Variants in SRD5A2 observed in about 807,000 individuals in gnomAD.
The protein encoded by SRD5A2 is 3-oxo-5-alpha-steroid 4-dehydrogenase 2.
A neutral mutation model predicts 27.4 loss-of-function variants in SRD5A2; 30 were observed. The observed-to-expected ratio is 1.10, with a 90% confidence interval of 0.82 to 1.49. SRD5A2 has a LOEUF of 1.49. Among genes scored for constraint, SRD5A2 ranks in the 40% most tolerant of loss-of-function variants. The pLI is 0.00. For missense variants in SRD5A2, 348 were observed against 323.4 expected, an observed-to-expected ratio of 1.08 and a Z score of -0.58; for synonymous variants, 141 against 133.6, an observed-to-expected ratio of 1.06 and a Z score of -0.38.
upstream of SRD5A2, chr2:31,581,215 C>CG (rs201675254): frequency 1 from 380,695 of 380,704 alleles, 190,343 homozygotes; most frequent in Middle Eastern, 1. Context: ...GCGTCTGATG[C>CG]GCATACTTCT....
At chr2:31,654,512 G>A in the SRD5A2 span, among the ~76,000 whole-genome samples, 1 of 152,178 alleles carries the variant, frequency 6.6e-6, no homozygotes, top group South Asian at 2.1e-4. Context: ...TTTGCTGCAT[G>A]AATTTTACGG....
chr2:31,624,645 A>G, the SRD5A2 span, among the ~76,000 whole-genome samples: 11 of 152,026 alleles, frequency 7.2e-5, no homozygotes, highest in African/African-American at 1.2e-4. Flanking sequence ...GCTGAGAATG[A>G]TGGTTTCCAG....
intron 1 of SRD5A2, among the ~76,000 whole-genome samples, chr2:31,542,705 G>C (rs1028071410): frequency 6.6e-6 from 1 of 152,050 alleles, no homozygotes; most frequent in Non-Finnish European, 1.5e-5. Flanking sequence ...GAAAGAATCA[G>C]AGAACTCAAA....
chr2:31,553,069 A>C (rs12712320), intron 1 of SRD5A2, among the ~76,000 whole-genome samples: 25,216 of 152,114 alleles, frequency 0.17, 2,731 homozygotes, highest in African/African-American at 0.31. Context: ...TCTCAGTAAA[A>C]AGATAGGAAC....
At chr2:31,567,119 G>C (rs1244400466) in intron 1 of SRD5A2, among the ~76,000 whole-genome samples, 1 of 152,126 alleles carries the variant, frequency 6.6e-6, no homozygotes, top group Non-Finnish European at 1.5e-5. Flanking sequence ...CAATTGTAGA[G>C]CATTTAGGTA....
intron 1 of SRD5A2, among the ~76,000 whole-genome samples, chr2:31,556,561 G>A (rs368334338): frequency 4.6e-5 from 7 of 152,260 alleles, no homozygotes; most frequent in African/African-American, 1.7e-4. Context: ...AAGACACACA[G>A]GGGAGGAAGT....
chr2:31,643,110 G>A, the SRD5A2 span, among the ~76,000 whole-genome samples: 1 of 152,034 alleles, frequency 6.6e-6, no homozygotes, highest in African/African-American at 2.4e-5. Context: ...TTACATAAGT[G>A]CAAGCATTCA....
chr2:31,558,103 T>C (rs1210751119), intron 1 of SRD5A2, among the ~76,000 whole-genome samples: 1 of 152,166 alleles, frequency 6.6e-6, no homozygotes, highest in East Asian at 1.9e-4. Context: ...AACATAAAAA[T>C]CGGGGGGAGT....
the SRD5A2 span, among the ~76,000 whole-genome samples, chr2:31,654,327 C>G: frequency 6.6e-6 from 1 of 152,170 alleles, no homozygotes; most frequent in Non-Finnish European, 1.5e-5. Context: ...GAGAGGTTCA[C>G]CCTGCTGTGT....
At chr2:31,642,063 T>C in the SRD5A2 span, among the ~76,000 whole-genome samples, 629 of 152,116 alleles carry the variant, frequency 4.1e-3, 4 homozygotes, top group Non-Finnish European at 6.1e-3. Flanking sequence ...ACATAGAATA[T>C]TGTAACAAAA....
upstream of SRD5A2, among the ~76,000 whole-genome samples, chr2:31,584,345 C>A (rs1667142223): frequency 6.6e-6 from 1 of 152,170 alleles, no homozygotes; most frequent in African/African-American, 2.4e-5. Context: ...CTAACACAGT[C>A]CAACACTGTT....
the SRD5A2 span, among the ~76,000 whole-genome samples, chr2:31,608,008 G>C: frequency 6.6e-6 from 1 of 152,082 alleles, no homozygotes; most frequent in South Asian, 2.1e-4. Flanking sequence ...GCCCTCACCA[G>C]ACACTGACCC....
At chr2:31,607,599 G>C in the SRD5A2 span, among the ~76,000 whole-genome samples, 1 of 151,742 alleles carries the variant, frequency 6.6e-6, no homozygotes, top group Non-Finnish European at 1.5e-5. Context: ...CAAAATATAA[G>C]AGGATTCATA....
intron 1 of SRD5A2, among the ~76,000 whole-genome samples, chr2:31,560,133 C>T (rs1666591278): frequency 6.8e-6 from 1 of 147,230 alleles, no homozygotes; most frequent in Non-Finnish European, 1.5e-5. Flanking sequence ...GACAGGTGCT[C>T]CAGGATATTC....
At chr2:31,631,331 A>G in the SRD5A2 span, among the ~76,000 whole-genome samples, 1 of 152,176 alleles carries the variant, frequency 6.6e-6, no homozygotes, top group Non-Finnish European at 1.5e-5. Flanking sequence ...TACATCAGTG[A>G]GCATAACTAA....
At chr2:31,590,651 G>C in the SRD5A2 span, among the ~76,000 whole-genome samples, 1 of 152,126 alleles carries the variant, frequency 6.6e-6, no homozygotes, top group African/African-American at 2.4e-5. Context: ...AACAAAGCTG[G>C]AGGCATCATG....
intron 1 of SRD5A2, among the ~76,000 whole-genome samples, chr2:31,575,116 T>C (rs1393566477): frequency 6.6e-6 from 1 of 152,220 alleles, no homozygotes; most frequent in Non-Finnish European, 1.5e-5. Context: ...CTTTTCTTGC[T>C]TGGGCTTTTT....
At chr2:31,592,077 T>G in the SRD5A2 span, among the ~76,000 whole-genome samples, 1 of 146,528 alleles carries the variant, frequency 6.8e-6, no homozygotes, top group Admixed American at 6.8e-5. Flanking sequence ...CCCTAAAACT[T>G]AAAGTATAAT....
intron 1 of SRD5A2, among the ~76,000 whole-genome samples, chr2:31,568,176 T>TC (rs1450748932): frequency 1.3e-5 from 2 of 152,142 alleles, no homozygotes; most frequent in Non-Finnish European, 2.9e-5. Context: ...AAAGAGGGTG[T>TC]CATAGCCCTG....
Sources: gnomAD v4.1 joint callset for allele counts (sites outside exome capture counted in the v4.1 genomes callset) on GRCh38, gnomAD v4.1.1 for gene constraint, MANE v1.5 for transcripts, NCBI Gene and HGNC (gene_info 2026-07-23, HGNC 2026-07-21) for gene names.